PCDH11Y: variants seen among roughly 807,000 people sequenced by gnomAD.
PCDH11Y encodes protocadherin 11 Y-linked.
For synonymous variants in PCDH11Y, 9 were observed against 83.6 expected (o/e 0.11, Z 4.87); for missense variants, 12 against 224.8 (o/e 0.05, Z 6.05).
At chrY:5,630,422 C>A (rs1311862717) in intron 4 of PCDH11Y, among the ~76,000 whole-genome samples, 276 of 33,250 alleles carry the variant, frequency 8.3e-3, no homozygotes, top group Middle Eastern at 0.044. Flanking sequence ...TGTATTGACT[C>A]CAGGAAGAGA....
At chrY:5,589,804 G>T in intron 4 of PCDH11Y, among the ~76,000 whole-genome samples, 1 of 35,242 alleles carries the variant, frequency 2.8e-5, no homozygotes, top group Non-Finnish European at 7.3e-5. Flanking sequence ...GAGGAATAAG[G>T]TATTTATTGT....
At chrY:5,107,716 G>A (rs2124638025), downstream of PCDH11Y, among the ~76,000 whole-genome samples, 1 of 31,941 alleles carries the variant, frequency 3.1e-5, no homozygotes, top group African/African-American at 1.2e-4. Context: ...GGTCTCTCTG[G>A]TTCTTATTCT....
chrY:5,124,168 C>G, intron 2 of PCDH11Y, among the ~76,000 whole-genome samples: 1 of 33,265 alleles, frequency 3.0e-5, no homozygotes, highest in Non-Finnish European at 7.5e-5. Flanking sequence ...TGTTGAGACA[C>G]ATTTAAGAAG....
chrY:5,383,040 G>A (rs2053206737), intron 2 of PCDH11Y, among the ~76,000 whole-genome samples: 3 of 31,638 alleles, frequency 9.5e-5, no homozygotes, highest in Admixed American at 3.0e-4. Flanking sequence ...TGTCTCTACC[G>A]AAATTACAAA....
chrY:5,126,703 T>C, intron 2 of PCDH11Y, among the ~76,000 whole-genome samples: 1 of 32,828 alleles, frequency 3.0e-5, no homozygotes, highest in South Asian at 6.8e-4. Context: ...ACCAACTCAA[T>C]GATAATAAGT....
At chrY:5,222,647 C>T in intron 2 of PCDH11Y, among the ~76,000 whole-genome samples, 2 of 32,315 alleles carry the variant, frequency 6.2e-5, no homozygotes, top group Non-Finnish European at 1.5e-4. Context: ...CAGGCTCCCG[C>T]CGCCATGCCC....
intron 2 of PCDH11Y, among the ~76,000 whole-genome samples, chrY:5,359,096 G>A: frequency 3.6e-5 from 1 of 27,727 alleles, no homozygotes; most frequent in East Asian, 9.6e-4. Flanking sequence ...TGCCAGGAAT[G>A]TGTTACCGAA....
chrY:5,331,832 A>T (rs2124667624), intron 2 of PCDH11Y, among the ~76,000 whole-genome samples: 1 of 33,752 alleles, frequency 3.0e-5, no homozygotes, highest in East Asian at 8.0e-4. Flanking sequence ...GCATGTCCTT[A>T]ACCTTGGCAA....
intron 4 of PCDH11Y, among the ~76,000 whole-genome samples, chrY:5,664,238 T>C (rs2053542993): frequency 3.1e-5 from 1 of 32,709 alleles, no homozygotes; most frequent in African/African-American, 1.2e-4. Flanking sequence ...GTCTATTCAG[T>C]AGGGTAGAAT....
intron 2 of PCDH11Y, among the ~76,000 whole-genome samples, chrY:5,227,504 T>C: frequency 2.9e-5 from 1 of 34,259 alleles, no homozygotes; most frequent in East Asian, 7.7e-4. Flanking sequence ...ATTCCTGTCA[T>C]GTTCCAGATG....
chrY:5,203,507 ATG>A (rs2052928932), intron 2 of PCDH11Y, among the ~76,000 whole-genome samples: 1 of 32,142 alleles, frequency 3.1e-5, no homozygotes, highest in East Asian at 8.3e-4. Context: ...ATTATTGTAT[ATG>A]AGCCTTCCAC....
intron 2 of PCDH11Y, among the ~76,000 whole-genome samples, chrY:5,307,225 G>C: frequency 3.3e-5 from 1 of 30,417 alleles, no homozygotes; most frequent in Non-Finnish European, 7.9e-5. Context: ...ATGACTAAGA[G>C]CCTACAAAAA....
At chrY:5,684,611 G>A (rs2124709938) in intron 4 of PCDH11Y, among the ~76,000 whole-genome samples, 1 of 33,026 alleles carries the variant, frequency 3.0e-5, no homozygotes, top group South Asian at 6.7e-4. Context: ...TAAAGAAAAT[G>A]TGATACATAT....
At chrY:5,714,250 T>A in intron 4 of PCDH11Y, among the ~76,000 whole-genome samples, 7 of 33,241 alleles carry the variant, frequency 2.1e-4, no homozygotes, top group Admixed American at 1.9e-3. Flanking sequence ...ACTGACCTCG[T>A]AACTTGTCTA....
In PCDH11Y at chrY:5,528,480, C is replaced by T. The variant is rs1324232723; in HGVS notation, c.3328+27225C>T. On this transcript the variant is annotated intron_variant, in intron 3 of 4. Coordinates refer to the PCDH11Y transcript ENST00000400457. ...CCATATATGGGTGAACATATGTGTG[C>T]CTATAATTTTCTCCTTTTAAAATAA... Among the ~76,000 whole-genome samples the T allele has an allele frequency of 3.3e-4, 11 of 32,851 alleles. No homozygotes were observed. The East Asian group carries it at 8.8e-3, about 26-fold the overall frequency. The allele number at this position is 32,851 out of a possible 37,273, so 88.1% of individuals were successfully genotyped here.
chrY:5,431,337 C>A, intron 2 of PCDH11Y, among the ~76,000 whole-genome samples: 2 of 20,657 alleles, frequency 9.7e-5, no homozygotes, highest in Non-Finnish European at 2.1e-4. Flanking sequence ...CATTTGCATT[C>A]AATTTGAATG....
intron 4 of PCDH11Y, among the ~76,000 whole-genome samples, chrY:5,647,920 T>C: frequency 3.0e-5 from 1 of 33,419 alleles, no homozygotes; most frequent in African/African-American, 1.2e-4. Context: ...ATTCAAATTA[T>C]TATGTCAAAA....
chrY:5,513,823 CTGT>C (rs1355425276), intron 3 of PCDH11Y, among the ~76,000 whole-genome samples: 29 of 32,919 alleles, frequency 8.8e-4, no homozygotes, highest in Admixed American at 3.1e-3. Context: ...AAGAAACGTC[CTGT>C]TGTTAAAGTT....
chrY:5,522,017 G>GC, intron 3 of PCDH11Y, among the ~76,000 whole-genome samples: 2 of 31,772 alleles, frequency 6.3e-5, no homozygotes. Context: ...GGGACTACAG[G>GC]TGCCTGCCAC....
Sources: gnomAD v4.1 joint callset for allele counts (sites outside exome capture counted in the v4.1 genomes callset) on GRCh38, gnomAD v4.1.1 for gene constraint, MANE v1.5 for transcripts, NCBI Gene and HGNC (gene_info 2026-07-23, HGNC 2026-07-21) for gene names.